UBE2V2: variants seen among roughly 807,000 people sequenced by gnomAD.
UBE2V2 encodes ubiquitin-conjugating enzyme E2 variant 2.
UBE2V2 carries 9 observed loss-of-function variants against 17.2 expected under a neutral mutation model. The ratio of observed to expected loss-of-function variants is 0.52; its 90% CI spans 0.32 to 0.91. The LOEUF is 0.91. Among genes scored for constraint, UBE2V2 ranks in the 40% least tolerant of loss-of-function variants. The pLI is 0.04. For missense variants in UBE2V2, 133 were observed against 182.6 expected (o/e 0.73, Z 1.56); for synonymous variants, 61 against 57.5 (o/e 1.06, Z -0.28).
At chr8:48,052,602 T>G (rs761385467) in intron 3 of UBE2V2, among the ~76,000 whole-genome samples, 3 of 152,220 alleles carry the variant, frequency 2.0e-5, no homozygotes, top group Non-Finnish European at 4.4e-5. Context: ...CCATCATTTA[T>G]TTCCTGGACT....
At chr8:48,050,829 G>A (rs532564877) in intron 3 of UBE2V2, among the ~76,000 whole-genome samples, 89 of 152,156 alleles carry the variant, frequency 5.8e-4, no homozygotes, top group African/African-American at 2.1e-3. Context: ...TCTTTAAAGA[G>A]CAAATATGTC....
intron 3 of UBE2V2, among the ~76,000 whole-genome samples, chr8:48,056,390 T>C (rs1343957475): frequency 6.6e-5 from 10 of 152,210 alleles, no homozygotes; most frequent in Non-Finnish European, 1.2e-4. Context: ...TGTTGGGTCA[T>C]ACGGTATCTA....
At chr8:47,998,520 G>A in the UBE2V2 span, among the ~76,000 whole-genome samples, 4 of 151,848 alleles carry the variant, frequency 2.6e-5, no homozygotes, top group Admixed American at 6.6e-5. Flanking sequence ...CAAGGGTTTC[G>A]GAGAACAGCA....
At chr8:48,057,110 A>C (rs191176972) in intron 3 of UBE2V2, among the ~76,000 whole-genome samples, 283 of 152,140 alleles carry the variant, frequency 1.9e-3, no homozygotes, top group South Asian at 7.1e-3. Flanking sequence ...TTGCTTATGA[A>C]TTTTAAGATA....
the UBE2V2 span, among the ~76,000 whole-genome samples, chr8:48,001,403 G>T: frequency 3.9e-4 from 59 of 152,034 alleles, 1 homozygote; most frequent in African/African-American, 1.4e-3. Flanking sequence ...AGTTTGAGGT[G>T]AGCCTGGGCA....
chr8:48,008,995 G>A (rs1056515769), intron 1 of UBE2V2, among the ~76,000 whole-genome samples: 1 of 152,106 alleles, frequency 6.6e-6, no homozygotes, highest in Non-Finnish European at 1.5e-5. Flanking sequence ...GACTGAATAC[G>A]TGTGATCTTT....
intron 3 of UBE2V2, among the ~76,000 whole-genome samples, chr8:48,054,581 G>A (rs748722326): frequency 6.6e-6 from 1 of 152,162 alleles, no homozygotes; most frequent in Admixed American, 6.5e-5. Context: ...TTTATAACTA[G>A]TAAATGGTAC....
At chr8:48,041,717 C>T (rs889416807) in intron 1 of UBE2V2, 6 of 151,696 alleles carry the variant, frequency 4.0e-5, no homozygotes, top group Non-Finnish European at 8.8e-5. Context: ...AAATTGAAAT[C>T]AAGTACAAAT....
At chr8:48,002,090 A>G in the UBE2V2 span, among the ~76,000 whole-genome samples, 1 of 148,314 alleles carries the variant, frequency 6.7e-6, no homozygotes, top group Admixed American at 6.7e-5. Flanking sequence ...TCCGACTCAG[A>G]AAAAAAAAAA....
At chr8:48,038,245 T>C (rs996258461) in intron 1 of UBE2V2, among the ~76,000 whole-genome samples, 2 of 152,244 alleles carry the variant, frequency 1.3e-5, no homozygotes, top group African/African-American at 4.8e-5. Context: ...TTTAAAGTCC[T>C]ATTTTCACTT....
At chr8:48,039,873 G>A (rs1315763866) in intron 1 of UBE2V2, among the ~76,000 whole-genome samples, 1 of 151,902 alleles carries the variant, frequency 6.6e-6, no homozygotes, top group Non-Finnish European at 1.5e-5. Flanking sequence ...CCACAGGCAT[G>A]TGCCAGCTAC....
intron 1 of UBE2V2, among the ~76,000 whole-genome samples, chr8:48,035,732 A>G (rs1335060127): frequency 0.062 from 4 of 64 alleles, no homozygotes; most frequent in Non-Finnish European, 0.12. Context: ...CTCCTGCCTC[A>G]GCCTCGCAGG....
chr8:48,008,247 C>T (rs887811553), upstream of UBE2V2, among the ~76,000 whole-genome samples: 3 of 152,114 alleles, frequency 2.0e-5, no homozygotes, highest in Non-Finnish European at 4.4e-5. Flanking sequence ...TTTAGCGTTT[C>T]ATTTTGAGAG....
intron 1 of UBE2V2, among the ~76,000 whole-genome samples, chr8:48,017,057 C>G (rs1171358859): frequency 6.6e-6 from 1 of 152,128 alleles, no homozygotes; most frequent in Non-Finnish European, 1.5e-5. Context: ...TCCCAAAGTG[C>G]TGGGATTACA....
In UBE2V2 at chr8:48,053,129, C is replaced by T. The variant is rs532274114; in HGVS notation, c.291+3151C>T. On this transcript the variant is annotated intron_variant, in intron 3 of 3. Transcript: ENST00000523111. Reference sequence around the variant, plus strand: ...CCAGGCTGGTCTCAGACTCCTGACCCGCGTTGGCCTCCCAAAGTGCTGGGA... The same window carrying T: ...CCAGGCTGGTCTCAGACTCCTGACCTGCGTTGGCCTCCCAAAGTGCTGGGA... Among the ~76,000 whole-genome samples, 17 of 152,206 alleles carry T rather than the reference C, an allele frequency of 1.1e-4. No individual in the cohort carries two copies. The East Asian group carries it at 1.4e-3, about 12-fold the overall frequency.
intron 2 of UBE2V2, among the ~76,000 whole-genome samples, chr8:48,045,682 A>G (rs949540811): frequency 6.6e-6 from 1 of 152,128 alleles, no homozygotes; most frequent in Non-Finnish European, 1.5e-5. Context: ...TTTGAGTGCC[A>G]GGCAGAGGTA....
At chr8:48,048,690 G>GTTT (rs139181636) in intron 2 of UBE2V2, among the ~76,000 whole-genome samples, 50 of 151,948 alleles carry the variant, frequency 3.3e-4, no homozygotes, top group African/African-American at 1.0e-3. Context: ...TGTTGCATAG[G>GTTT]TTTTACATTA....
intron 1 of UBE2V2, among the ~76,000 whole-genome samples, chr8:48,033,461 C>G (rs1419019123): frequency 6.6e-6 from 1 of 152,000 alleles, no homozygotes; most frequent in African/African-American, 2.4e-5. Flanking sequence ...GCTGGGACTA[C>G]AGGCATGAGC....
At chr8:48,041,014 G>A (rs1396041010) in intron 1 of UBE2V2, among the ~76,000 whole-genome samples, 6 of 150,266 alleles carry the variant, frequency 4.0e-5, no homozygotes, top group East Asian at 2.0e-4. Flanking sequence ...ACAGGCGCCC[G>A]CCACCACGCC....
Sources: gnomAD v4.1 joint callset for allele counts (sites outside exome capture counted in the v4.1 genomes callset) on GRCh38, gnomAD v4.1.1 for gene constraint, MANE v1.5 for transcripts, NCBI Gene and HGNC (gene_info 2026-07-23, HGNC 2026-07-21) for gene names.